ERAP2: variants seen among roughly 807,000 people sequenced by gnomAD.
The protein encoded by ERAP2 is leukocyte-derived arginine aminopeptidase.
ERAP2 carries 118 observed loss-of-function variants against 111.1 expected under a neutral mutation model. The ratio of observed to expected loss-of-function variants is 1.06; its 90% CI spans 0.92 to 1.24. The LOEUF (loss-of-function observed/expected upper bound fraction) is 1.24, where lower values mean the gene tolerates loss of function less well. Ranked by LOEUF, ERAP2 falls within the 50% of genes most tolerant of loss-of-function variation. ERAP2 has a pLI of 0.00. For missense variants in ERAP2, 1,131 were observed against 1,125.8 expected, an observed-to-expected ratio of 1.00 and a Z score of -0.07; for synonymous variants, 410 against 401.2, an observed-to-expected ratio of 1.02 and a Z score of -0.26.
intron 8 of ERAP2, 67 bp downstream of exon 8, chr5:96,896,571 A>C: frequency 6.5e-7 from 1 of 1,549,576 alleles, no homozygotes; most frequent in African/African-American, 1.4e-5. Context: ...TAGAATCAGC[A>C]GTTTAAGTCA....
rs181832910 is a variant in ERAP2, at chr5:96,912,148, G to A, written c.2355-489G>A. ...GGAGCCTGCAGTGAGCCCAGATCGC[G>A]CCACTGCACTCCAGCTTGGGCGACA... On this transcript the variant is annotated intron_variant, in intron 15 of 18. Coordinates refer to ENST00000437043, the MANE Select transcript of ERAP2 (RefSeq NM_022350.5). Among the ~76,000 whole-genome samples the A allele has an allele frequency of 6.1e-3, 840 of 138,730 alleles. 5 individuals are homozygous for A. Among genetic ancestry groups the A allele is most frequent in the Non-Finnish European group, 9.6e-3 (638 of 66,322 alleles). 91.0% of individuals were successfully genotyped at this position (138,730 alleles called of 152,430 possible).
At chr5:96,895,993 T>C (rs570193132) in intron 7 of ERAP2, among the ~76,000 whole-genome samples, 32 of 152,320 alleles carry the variant, frequency 2.1e-4, no homozygotes, top group African/African-American at 6.3e-4. Context: ...AAGCTTTATA[T>C]ATTCTTATTT....
chr5:96,876,050 A>G (rs1782501286), upstream of ERAP2: 1 of 152,412 alleles, frequency 6.6e-6, no homozygotes, highest in African/African-American at 2.4e-5. Context: ...GAGAATAATC[A>G]CCTCTGATAA....
intron 1 of ERAP2, among the ~76,000 whole-genome samples, chr5:96,879,078 G>A (rs1335140743): frequency 1.3e-5 from 2 of 152,154 alleles, no homozygotes; most frequent in East Asian, 1.9e-4. Flanking sequence ...AGGTAGCCGA[G>A]TGTGGCGGTG....
At position 96,889,454 on chromosome 5, in the gene ERAP2, T is replaced by C. The variant is rs905844894; in HGVS notation, c.970+149T>C. 8 of 869,000 alleles carry C rather than the reference T, an allele frequency of 9.2e-6. No homozygotes were observed. The African/African-American group carries it at 1.3e-4, about 14-fold the overall frequency. 53.8% of individuals were successfully genotyped at this position (869,000 alleles called of 1,614,324 possible). On this transcript the variant is annotated intron_variant, in intron 5 of 18. Transcript: ENST00000437043. ...ATAATTTGTTCCTCAGAGATGATTC[T>C]TGAGTGTAGAAAATAAAATATTTAT...
chr5:96,898,469 C>T (rs987740231), intron 9 of ERAP2, among the ~76,000 whole-genome samples: 3 of 150,132 alleles, frequency 2.0e-5, no homozygotes, highest in Non-Finnish European at 3.0e-5. Context: ...AGGCCTGGTG[C>T]GGTGGCTCAT....
intron 2 of ERAP2, among the ~76,000 whole-genome samples, chr5:96,882,034 T>G (rs919777963): frequency 6.6e-6 from 1 of 152,110 alleles, no homozygotes; most frequent in African/African-American, 2.4e-5. Flanking sequence ...CCTTCCCCAC[T>G]TGGGTGCTCA....
rs371450879 is a variant in ERAP2 at position 96,905,733 on chromosome 5, A to T, written c.2012+2173A>T. ...ACCCCATCTCTACTAAAAATAAAAA[A>T]ATTAGCCCAGTGTGGTGGTGTACGC... On this transcript the variant is annotated intron_variant, in intron 13 of 18. Coordinates refer to ENST00000437043, the MANE Select transcript of ERAP2 (RefSeq NM_022350.5). Among the ~76,000 whole-genome samples, 113 of 152,166 alleles carry T rather than the reference A, an allele frequency of 7.4e-4. 1 individual carries two copies. The highest frequency in any genetic ancestry group is 2.6e-3 in the African/African-American group (107 of 41,538).
intron 5 of ERAP2, among the ~76,000 whole-genome samples, chr5:96,889,830 A>G: frequency 1.1e-5 from 1 of 90,842 alleles, no homozygotes; most frequent in South Asian, 4.8e-4. Flanking sequence ...TAAAAAATAC[A>G]TACACACACA....
chr5:96,905,016 T>G (rs544457189), intron 13 of ERAP2, among the ~76,000 whole-genome samples: 2 of 152,226 alleles, frequency 1.3e-5, no homozygotes, highest in African/African-American at 2.4e-5. Flanking sequence ...AATTTTCCAG[T>G]CTTTAAAACT....
intron 9 of ERAP2, among the ~76,000 whole-genome samples, chr5:96,898,980 A>C (rs879835242): frequency 6.6e-6 from 1 of 152,176 alleles, no homozygotes; most frequent in Non-Finnish European, 1.5e-5. Flanking sequence ...ACACGGAAGA[A>C]TCTATCATTT....
intron 2 of ERAP2, among the ~76,000 whole-genome samples, chr5:96,882,907 CAG>C (rs1414770294): frequency 6.6e-6 from 1 of 152,162 alleles, no homozygotes; most frequent in Non-Finnish European, 1.5e-5. Context: ...CCTCCTTTTC[CAG>C]TCAAAATCTG....
At chr5:96,894,207 A>G (rs1427962971) in intron 6 of ERAP2, among the ~76,000 whole-genome samples, 3 of 152,226 alleles carry the variant, frequency 2.0e-5, no homozygotes, top group Non-Finnish European at 2.9e-5. Flanking sequence ...ATGAATGAAT[A>G]AACTAGTCTT....
intron 15 of ERAP2, among the ~76,000 whole-genome samples, chr5:96,912,265 TA>T (rs76870375): frequency 1.1e-4 from 16 of 149,610 alleles, no homozygotes; most frequent in African/African-American, 3.2e-4. Context: ...TAATCATCTT[TA>T]AAAAAAAAAT....
chr5:96,899,967 A>G (rs572180377), intron 9 of ERAP2, among the ~76,000 whole-genome samples, 154 bp from the exon 10 acceptor site: 7 of 152,194 alleles, frequency 4.6e-5, no homozygotes, highest in Non-Finnish European at 8.8e-5. Context: ...GTCACTGCAA[A>G]CATGCCTTTT....
At chr5:96,883,953 T>G in intron 3 of ERAP2, 23 bp downstream of exon 3, 6 of 1,549,756 alleles carry the variant, frequency 3.9e-6, no homozygotes, top group Non-Finnish European at 5.2e-6. Context: ...CCAGAAACTT[T>G]TAGAAATTGT....
rs1441922789 is a variant in ERAP2, at chr5:96,896,520, T to A, written c.1371+16T>A. On this transcript the variant is annotated intron_variant, in intron 8 of 18. Coordinates refer to ENST00000437043, the MANE Select transcript of ERAP2 (RefSeq NM_022350.5). The stretch of plus-strand genomic sequence containing the variant: ...CTATAACAAGGTAGTAAATATCAGG[T>A]GCAGGTGGAAGCTCTGCTTTCAGAA... The A allele has an allele frequency of 1.2e-6, 2 of 1,604,698 alleles. No individual in the cohort carries two copies. The highest frequency in any genetic ancestry group is 1.1e-5 in the South Asian group (1 of 90,184).
chr5:96,909,585 C>T lies in ERAP2; in HGVS notation c.2175C>T (p.Tyr725=), dbSNP rs773995844. 5.1e-5 allele frequency: 82 copies of T among 1,613,530 alleles called. No homozygotes were observed. In the Middle Eastern group the frequency reaches 2.0e-3, roughly 39 times the overall value. ...CCATCTCATATTTTCTGCAGCGTTA[C>T]CTTCTTCAGTATTTTAAGCCAGTGA... ...ISDISENLKR[Y]LLQYFKPVID... The change falls in exon 15 of 19, where the codon TAC becomes TAT. Residue 725 remains tyrosine (Y), a synonymous_variant. Transcript: ENST00000437043.
intron 3 of ERAP2, among the ~76,000 whole-genome samples, chr5:96,884,692 G>C (rs1434515823): frequency 6.6e-6 from 1 of 151,250 alleles, no homozygotes; most frequent in African/African-American, 2.4e-5. Context: ...CAAGTAGCTG[G>C]GATTACAGGC....
Sources: allele counts gnomAD v4.1 joint callset (sites outside exome capture counted in the v4.1 genomes callset), GRCh38; gene constraint gnomAD v4.1.1; transcripts MANE v1.5; gene names NCBI Gene and HGNC (gene_info 2026-07-23, HGNC 2026-07-21).